Variants in SLC14A2 observed in about 807,000 individuals in gnomAD.
SLC14A2 encodes the protein urea transporter 2.
In SLC14A2, 91 loss-of-function variants were observed where a neutral mutation model predicts 104.6. The ratio of observed to expected loss-of-function variants is 0.87; its 90% CI spans 0.73 to 1.04. The LOEUF (loss-of-function observed/expected upper bound fraction) is 1.04. SLC14A2 is among the 50% of genes least tolerant of loss of function. The pLI is 0.00. For synonymous variants in SLC14A2, 476 were observed against 466.4 expected (o/e 1.02, Z -0.27); for missense variants, 1,189 against 1,156.0 (o/e 1.03, Z -0.41).
chr18:45,309,926 C>T (rs1051543935), intron 1 of SLC14A2, among the ~76,000 whole-genome samples: 26 of 151,896 alleles, frequency 1.7e-4, no homozygotes, highest in Admixed American at 7.9e-4. Flanking sequence ...TATAGCCCTA[C>T]GCAACAATAT....
chr18:45,563,332 C>A (rs532523147), intron 2 of SLC14A2, among the ~76,000 whole-genome samples: 2 of 152,328 alleles, frequency 1.3e-5, no homozygotes, highest in African/African-American at 4.8e-5. Flanking sequence ...TCTGTAGGAA[C>A]TGGGGGGAAC....
At chr18:45,648,799 T>A (rs2045674247) in intron 10 of SLC14A2, among the ~76,000 whole-genome samples, 1 of 152,242 alleles carries the variant, frequency 6.6e-6, no homozygotes, top group Non-Finnish European at 1.5e-5. Context: ...TGCTTTTTTG[T>A]TTTTTCATTG....
At chr18:45,226,363 T>C (rs2084116562) in intron 1 of SLC14A2, among the ~76,000 whole-genome samples, 1 of 152,166 alleles carries the variant, frequency 6.6e-6, no homozygotes, top group Non-Finnish European at 1.5e-5. Context: ...TAAAGACTCA[T>C]GCACACATAT....
At chr18:45,575,943 G>A (rs996611249) in intron 2 of SLC14A2, among the ~76,000 whole-genome samples, 3 of 152,072 alleles carry the variant, frequency 2.0e-5, no homozygotes, top group East Asian at 1.9e-4. Context: ...CTGGTGCCCC[G>A]GCTGGGGAGC....
intron 2 of SLC14A2, among the ~76,000 whole-genome samples, chr18:45,607,990 A>G (rs1310606708): frequency 6.6e-6 from 1 of 152,188 alleles, no homozygotes; most frequent in Non-Finnish European, 1.5e-5. Context: ...ATTCTCTCCA[A>G]TGCCTCCATT....
intron 1 of SLC14A2, among the ~76,000 whole-genome samples, chr18:45,432,852 C>A (rs1352114505): frequency 6.6e-6 from 1 of 152,128 alleles, no homozygotes; most frequent in Non-Finnish European, 1.5e-5. Flanking sequence ...TTAAATCTAA[C>A]CTTAGGGGCA....
intron 1 of SLC14A2, among the ~76,000 whole-genome samples, chr18:45,620,395 A>G (rs963728436): frequency 6.6e-6 from 1 of 152,240 alleles, no homozygotes; most frequent in Non-Finnish European, 1.5e-5. Flanking sequence ...TGAGAGCAAC[A>G]TACACATGAG....
chr18:45,293,598 C>T (rs72906606), intron 1 of SLC14A2, among the ~76,000 whole-genome samples: 12,784 of 151,362 alleles, frequency 0.084, 626 homozygotes, highest in Non-Finnish European at 0.11. Context: ...ACAACATTAA[C>T]TTTGTCCTAT....
At chr18:45,625,133 G>A (rs904798759) in intron 2 of SLC14A2, among the ~76,000 whole-genome samples, 2 of 152,132 alleles carry the variant, frequency 1.3e-5, no homozygotes, top group African/African-American at 4.8e-5. Context: ...TGAAATGCAG[G>A]CCATTAGCAT....
At chr18:45,456,279 C>T (rs2086942139) in intron 1 of SLC14A2, among the ~76,000 whole-genome samples, 3 of 152,194 alleles carry the variant, frequency 2.0e-5, no homozygotes, top group Non-Finnish European at 4.4e-5. Context: ...TCAGGCTTCT[C>T]ATAACTCAGA....
chr18:45,459,166 T>C (rs2542990), intron 1 of SLC14A2, among the ~76,000 whole-genome samples: 121,163 of 151,696 alleles, frequency 0.8, 48,679 homozygotes, highest in South Asian at 0.93. Flanking sequence ...AGCTTGGAGA[T>C]AGTCATTTGC....
intron 1 of SLC14A2, among the ~76,000 whole-genome samples, chr18:45,338,363 G>A (rs1230658678): frequency 6.6e-6 from 1 of 151,922 alleles, no homozygotes; most frequent in Non-Finnish European, 1.5e-5. Flanking sequence ...ACCACACCTG[G>A]CTAATTTTTT....
the SLC14A2 span, among the ~76,000 whole-genome samples, chr18:45,178,244 T>C: frequency 1.1e-4 from 17 of 152,056 alleles, no homozygotes; most frequent in African/African-American, 3.9e-4. Context: ...AACCATTTAA[T>C]ATAGAAACAA....
intron 1 of SLC14A2, among the ~76,000 whole-genome samples, chr18:45,616,116 G>A (rs1255383008): frequency 6.6e-6 from 1 of 152,156 alleles, no homozygotes; most frequent in Non-Finnish European, 1.5e-5. Flanking sequence ...GGGCACAAGT[G>A]GAGCACCCCT....
intron 2 of SLC14A2, among the ~76,000 whole-genome samples, chr18:45,545,663 T>C (rs2043958540): frequency 6.6e-6 from 1 of 152,186 alleles, no homozygotes. Context: ...CAGTAGATCA[T>C]GCTACACTTG....
At position 45,643,970 on chromosome 18, in the gene SLC14A2, A is replaced by G. The variant is rs373155717; in HGVS notation, c.1177-16A>G. 9.3e-5 allele frequency: 150 copies of G among 1,612,370 alleles called. 1 individual carries two copies. The African/African-American group carries it at 1.1e-3, about 12-fold the overall frequency. On this transcript the variant is annotated splice_polypyrimidine_tract_variant and intron_variant, in intron 9 of 19. Coordinates refer to ENST00000255226, the MANE Select transcript of SLC14A2 (RefSeq NM_007163.4). ...AACTAGGAAACTTCTTCAGTCCCCA[A>G]TGCTTTTGTTTCCAGGTGGGCGTGC...
chr18:45,292,223 G>T (rs1460127416), intron 1 of SLC14A2, among the ~76,000 whole-genome samples: 8 of 152,146 alleles, frequency 5.3e-5, no homozygotes, highest in African/African-American at 1.9e-4. Flanking sequence ...ACATTGATAT[G>T]CTAATCCCTA....
At chr18:45,296,735 G>A (rs1465964623) in intron 1 of SLC14A2, among the ~76,000 whole-genome samples, 1 of 152,212 alleles carries the variant, frequency 6.6e-6, no homozygotes, top group African/African-American at 2.4e-5. Flanking sequence ...ATGGAGGCTT[G>A]TTTCGGAAGA....
intron 1 of SLC14A2, among the ~76,000 whole-genome samples, chr18:45,623,137 T>C (rs1371003742): frequency 3.3e-5 from 5 of 151,992 alleles, no homozygotes; most frequent in Non-Finnish European, 7.4e-5. Context: ...TGAAGGGCTG[T>C]CAGAGGGGTC....
Sources: allele counts gnomAD v4.1 joint callset (sites outside exome capture counted in the v4.1 genomes callset), GRCh38; gene constraint gnomAD v4.1.1; transcripts MANE v1.5; gene names NCBI Gene and HGNC (gene_info 2026-07-23, HGNC 2026-07-21).